SRCAP: variants seen among roughly 807,000 people sequenced by gnomAD.
The protein encoded by SRCAP is chromatin remodeling protein SRCAP.
Under a neutral mutation model 263.1 loss-of-function variants are expected in SRCAP, and 46 were observed. The ratio of observed to expected loss-of-function variants is 0.17; its 90% CI spans 0.14 to 0.22. SRCAP has a LOEUF of 0.22. SRCAP is among the 10% of genes least tolerant of loss of function. The probability of loss-of-function intolerance (pLI) is 1.00; values close to 1 mark genes in which losing one functional copy is unlikely to be tolerated. For missense variants in SRCAP, 3,695 were observed against 4,181.9 expected (o/e 0.88, Z 3.21); for synonymous variants, 1,813 against 1,662.1 (o/e 1.09, Z -2.21).
rs2151287312 is a variant in SRCAP, at chr16:30,709,401, TC to T, written c.634-110del. The stretch of plus-strand genomic sequence containing the variant: ...CCCCTAAGGTTATTTAGTTTTACTT[TC>T]CTAAGAGGCCAGCCCAGGATCTGGT... On this transcript the variant is annotated intron_variant, in intron 6 of 33. Transcript: ENST00000262518. 2.7e-6 allele frequency: 3 copies of T among 1,122,600 alleles called. No individual in the cohort carries two copies. The East Asian group carries it at 7.6e-5, about 28-fold the overall frequency. The allele number at this position is 1,122,600 out of a possible 1,614,324, so 69.5% of individuals were successfully genotyped here.
chr16:30,738,604 C>A lies in SRCAP; in HGVS notation c.8564C>A (p.Ala2855Asp). 6.2e-7 allele frequency: 1 copy of A among 1,603,626 alleles called. No individual in the cohort carries two copies. ...DGALLAITPP[A>D]VKRRRGRPPK... ...GCACTGCTCGCCATCACCCCACCTG[C>A]TGTGAAACGTCGGAGGGGGAGGCCC... The change falls in exon 34 of 34, where the codon GCT becomes GAT. Residue 2855 changes from alanine to aspartate, a missense_variant. This residue lies in a region of SRCAP where 1,207 missense variants were observed against 1,142.9 expected (regional missense o/e 1.06). Coordinates refer to ENST00000262518, the MANE Select transcript of SRCAP (RefSeq NM_006662.3).
intron 21 of SRCAP, 124 bp from the exon 22 acceptor site, chr16:30,721,998 A>G (rs1456096039): frequency 8.2e-7 from 1 of 1,216,396 alleles, no homozygotes; most frequent in African/African-American, 1.5e-5. Flanking sequence ...GGGACATGGT[A>G]AATTGTGGGA....
At chr16:30,711,478 C>G in intron 10 of SRCAP, 93 bp from the exon 11 acceptor site, 1 of 1,330,208 alleles carries the variant, frequency 7.5e-7, no homozygotes, top group South Asian at 1.5e-5. Context: ...CTAGCAGTAT[C>G]TACAGAGACC....
In SRCAP at chr16:30,739,446, T is replaced by C. The variant is rs775907802; in HGVS notation, c.9406T>C (p.Leu3136=). The C allele has an allele frequency of 1.2e-6, 2 of 1,614,168 alleles. No individual in the cohort carries two copies. Among genetic ancestry groups the C allele is most frequent in the East Asian group, 4.5e-5 (2 of 44,880 alleles). Residue 3136 remains leucine (L), a synonymous_variant, in exon 34 of 34, where the codon TTG becomes CTG. Coordinates refer to ENST00000262518, the MANE Select transcript of SRCAP (RefSeq NM_006662.3). Reference sequence around the variant, plus strand: ...AGTCCCCCCACTAGAGACTGAGAAGTTGCCTCGCAAACGAGCAGGGGCCCC... The same window carrying C: ...AGTCCCCCCACTAGAGACTGAGAAGCTGCCTCGCAAACGAGCAGGGGCCCC... ...SLVPPLETEK[L]PRKRAGAPVG... is the part of the protein sequence containing the mutation.
In SRCAP at chr16:30,716,373, C is replaced by T. The variant is rs201160412; in HGVS notation, c.2711C>T (p.Pro904Leu). Residue 904 changes from proline (P) to leucine (L), a missense_variant, in exon 18 of 34, where the codon CCA becomes CTA. By Grantham distance (98) the Pro-to-Leu change is moderately conservative. Transcript: ENST00000262518. The stretch of plus-strand genomic sequence containing the variant: ...CAGCTGAGAAAAGTTTGCAATCATC[C>T]AAATCTGTTCGACCCTCGACCGGTT... ...LMQLRKVCNH[P>L]NLFDPRPVTS... 2 of 1,614,186 alleles carry T rather than the reference C, an allele frequency of 1.2e-6. No homozygotes were observed. The highest frequency in any genetic ancestry group is 1.7e-6 in the Non-Finnish European group (2 of 1,180,046).
In SRCAP at chr16:30,738,581, A is replaced by C; in HGVS notation, c.8541A>C (p.Ala2847=). Residue 2847 remains alanine, a synonymous_variant, in exon 34 of 34, where the codon GCA becomes GCC. Transcript: ENST00000262518. The stretch of plus-strand genomic sequence containing the variant: ...GCAGCCCCGAGAATGGAGACGGAGC[A>C]CTGCTCGCCATCACCCCACCTGCTG... ...GGGSPENGDG[A]LLAITPPAVK... The C allele has an allele frequency of 6.2e-7, 1 of 1,606,788 alleles. No homozygotes were observed. The highest frequency in any genetic ancestry group is 8.5e-7 in the Non-Finnish European group (1 of 1,176,252).
intron 25 of SRCAP, 137 bp downstream of exon 25, chr16:30,725,219 T>G (rs2053052675): frequency 7.0e-7 from 1 of 1,435,570 alleles, no homozygotes; most frequent in Non-Finnish European, 9.1e-7. Flanking sequence ...TTGAGTGACA[T>G]TTGGACAAGT....
At position 30,733,593 on chromosome 16, in the gene SRCAP, T is replaced by C; in HGVS notation, c.6298-9T>C. 6.2e-7 allele frequency: 1 copy of C among 1,607,778 alleles called. No individual in the cohort carries two copies. The highest frequency in any genetic ancestry group is 8.5e-7 in the Non-Finnish European group (1 of 1,175,490). ...TCCCAGTATCATCTTTTTTTCCCTT[T>C]CCTTCTAGGCCTTGATGGAACGGTT... On this transcript the variant is annotated splice_polypyrimidine_tract_variant and intron_variant, in intron 28 of 33. Coordinates refer to ENST00000262518, the MANE Select transcript of SRCAP (RefSeq NM_006662.3). This position sits in a 1 kb window ranked among gnomAD's most constrained non-coding sequence, Gnocchi z 5.3.
chr16:30,723,381 G>C, intron 24 of SRCAP, 152 bp downstream of exon 24: 1 of 1,427,922 alleles, frequency 7.0e-7, no homozygotes, highest in Non-Finnish European at 9.3e-7. Flanking sequence ...CCTGAGCCCT[G>C]ACCTAATTTC....
In SRCAP at chr16:30,709,683, T is replaced by C; in HGVS notation, c.804T>C (p.Ser268=). The change falls in exon 7 of 34, where the codon TCT becomes TCC. Residue 268 remains serine, a synonymous_variant. Transcript: ENST00000262518. ...CAGGCTCTTCCCCTTGCCTCGGCTC[T>C]TCCTCAGCTGCCTCCAGTCCTCCAC... The part of the protein sequence containing the change: ...SKAGSSPCLG[S]SSAASSPPPP... 1 of 1,614,206 alleles carries C rather than the reference T, an allele frequency of 6.2e-7. No homozygotes were observed. The highest frequency in any genetic ancestry group is 8.5e-7 in the Non-Finnish European group (1 of 1,180,038).
In SRCAP at chr16:30,704,067, G is replaced by A; in HGVS notation, c.58G>A (p.Val20Met). ...CCATCATTTTCCTCTTTTCTAGATG[G>A]TGTCGGACGGCATGACAGGCAGCAA... ...PQLPVLQTQM[V>M]SDGMTGSNPV... Residue 20 changes from valine (V) to methionine (M), a missense_variant, in exon 4 of 34, where the codon GTG becomes ATG. By Grantham distance (21) the Val-to-Met change is conservative. Transcript: ENST00000262518. The A allele has an allele frequency of 6.2e-7, 1 of 1,612,392 alleles. No individual in the cohort carries two copies. Among genetic ancestry groups the A allele is most frequent in the East Asian group, 2.2e-5 (1 of 44,844 alleles).
At position 30,723,989 on chromosome 16, in the gene SRCAP, G is replaced by C; in HGVS notation, c.4565G>C (p.Gly1522Ala). 1 of 1,614,060 alleles carries C rather than the reference G, an allele frequency of 6.2e-7. No homozygotes were observed. The highest frequency in any genetic ancestry group is 8.5e-7 in the Non-Finnish European group (1 of 1,180,022). Residue 1522 changes from glycine (G) to alanine (A), a missense_variant, in exon 25 of 34, where the codon GGT becomes GCT. Physicochemically the swap from Gly to Ala is moderately conservative, Grantham distance 60. Transcript: ENST00000262518. ...APSLSSSQTP[G>A]HPLLLAPTSS... ...TCCCTGTCTTCATCTCAGACACCTG[G>C]TCACCCTCTGTTGTTGGCTCCCACC...
Position 30,700,761 on chromosome 16 carries a change from C to A in SRCAP, c.-64C>A. 6.7e-7 allele frequency: 1 copy of A among 1,493,464 alleles called. No individual in the cohort carries two copies. The highest frequency in any genetic ancestry group is 9.3e-7 in the Non-Finnish European group (1 of 1,076,038). The allele number at this position is 1,493,464 out of a possible 1,614,324, so 92.5% of individuals were successfully genotyped here. A position where few individuals can be genotyped will look rare whatever the true frequency, so the allele number is the denominator to read the frequency against. ...AGCCGGACGCCAGCCCCTCGGCCAG[C>A]AGTACTGGTGATAACAACCCAGTCA... is the stretch of plus-strand genomic sequence containing the variant. On this transcript the variant is annotated 5_prime_UTR_variant, in exon 3 of 34. Coordinates refer to ENST00000262518, the MANE Select transcript of SRCAP (RefSeq NM_006662.3).
rs370775352 is a variant in SRCAP, at chr16:30,737,805, G to A, written c.7765G>A (p.Ala2589Thr). 47 of 1,614,164 alleles carry A rather than the reference G, an allele frequency of 2.9e-5. 1 individual carries two copies. The African/African-American group carries it at 5.6e-4, about 19-fold the overall frequency. The change falls in exon 34 of 34, where the codon GCT (alanine) becomes ACT (threonine). Residue 2589 changes from alanine to threonine, a missense_variant. Around this residue, in one of 12 missense-constraint regions of SRCAP, gnomAD observed 1,207 missense variants for 1,142.9 expected, o/e 1.06. Coordinates refer to ENST00000262518, the MANE Select transcript of SRCAP (RefSeq NM_006662.3). ...GCCCCCTAAAGATCTGTTGCCAGTT[G>A]CTGTGGAGATCCTGCCTGTGTCAGA... ...LVPPKDLLPV[A>T]VEILPVSEKN...
intron 20 of SRCAP, 62 bp from the exon 21 acceptor site, chr16:30,721,127 C>G (rs537396545): frequency 1.0e-5 from 16 of 1,546,250 alleles, no homozygotes; most frequent in African/African-American, 2.7e-5. Flanking sequence ...ATGGAGGCTT[C>G]TGGCACCAGG....
Position 30,724,372 on chromosome 16 carries a change from G to C in SRCAP, c.4948G>C (p.Ala1650Pro), listed in dbSNP as rs773835678. The change falls in exon 25 of 34, where the codon GCT becomes CCT. Residue 1650 changes from alanine (A) to proline (P), a missense_variant. Physicochemically the swap from Ala to Pro is conservative, Grantham distance 27. This residue lies in a region of SRCAP where 1,347 missense variants were observed against 1,304.4 expected (regional missense o/e 1.03). Transcript: ENST00000262518. ...TSLASASPVP[A>P]PTPVLAPSST... ...TTTAGCCTCAGCTTCACCGGTACCA[G>C]CTCCAACCCCTGTGTTGGCTCCATC... 3 of 1,614,136 alleles carry C rather than the reference G, an allele frequency of 1.9e-6. No individual in the cohort carries two copies. The highest frequency in any genetic ancestry group is 1.7e-6 in the Non-Finnish European group (2 of 1,180,030).
chr16:30,727,406 T>C (rs1288128368), intron 25 of SRCAP, among the ~76,000 whole-genome samples: 1 of 152,242 alleles, frequency 6.6e-6, no homozygotes, highest in Non-Finnish European at 1.5e-5. Flanking sequence ...AATAGTCTTT[T>C]TTTTGAGACA....
At chr16:30,725,196 A>G (rs1274818410) in intron 25 of SRCAP, 114 bp downstream of exon 25, 33 of 1,483,276 alleles carry the variant, frequency 2.2e-5, no homozygotes, top group Non-Finnish European at 2.8e-5. Flanking sequence ...GCTTAATGTT[A>G]TGGACCAAGT....
Position 30,739,405 on chromosome 16 carries a change from T to C in SRCAP, c.9365T>C (p.Leu3122Pro). The C allele has an allele frequency of 1.2e-6, 2 of 1,614,214 alleles. No individual in the cohort carries two copies. Residue 3122 changes from leucine to proline, a missense_variant, in exon 34 of 34, where the codon CTG becomes CCG. Transcript: ENST00000262518. ...ACCCCAAAACTGCGCTCGACCCGGCTGCGTCCAGGGTCTCTAGTCCCCCCA... is the reference window on the plus strand; with the variant it reads ...ACCCCAAAACTGCGCTCGACCCGGCCGCGTCCAGGGTCTCTAGTCCCCCCA... ...SLTPKLRSTR[L>P]RPGSLVPPLE...
Sources: allele counts gnomAD v4.1 joint callset (sites outside exome capture counted in the v4.1 genomes callset), GRCh38; gene constraint gnomAD v4.1.1; regional missense constraint gnomAD v4.1.1; non-coding constraint Gnocchi (gnomAD v3.1); transcripts MANE v1.5; gene names NCBI Gene and HGNC (gene_info 2026-07-23, HGNC 2026-07-21).